The following TBC1D5 variants were observed in gnomAD, a reference collection of about 807,000 sequenced individuals.
TBC1D5 encodes the protein TBC1 domain family, member 5.
In TBC1D5, 75 loss-of-function variants were observed where a neutral mutation model predicts 100.3. That is an observed-to-expected ratio of 0.75 (90% confidence interval 0.62 to 0.91). The LOEUF is 0.91. Ranked by LOEUF, TBC1D5 falls within the 40% of genes least tolerant of loss-of-function variation. The pLI, the probability that TBC1D5 is intolerant of heterozygous loss-of-function variation, is 0.00. For missense variants in TBC1D5, 910 were observed against 942.4 expected, an observed-to-expected ratio of 0.97 and a Z score of 0.45; for synonymous variants, 323 against 325.6, an observed-to-expected ratio of 0.99 and a Z score of 0.09.
intron 2 of TBC1D5, among the ~76,000 whole-genome samples, chr3:17,607,571 C>T (rs1322675371): frequency 6.6e-6 from 1 of 151,138 alleles, no homozygotes; most frequent in East Asian, 1.9e-4. Flanking sequence ...AGCTTCAGTA[C>T]AGTTGCAAAT....
intron 4 of TBC1D5, among the ~76,000 whole-genome samples, chr3:17,426,862 A>G (rs2094347148): frequency 1.3e-5 from 2 of 151,952 alleles, no homozygotes; most frequent in African/African-American, 4.8e-5. Flanking sequence ...ATATAATGGG[A>G]TTTTCCTTCC....
chr3:17,470,687 C>T (rs749004318), intron 3 of TBC1D5, among the ~76,000 whole-genome samples: 40 of 151,820 alleles, frequency 2.6e-4, no homozygotes, highest in Non-Finnish European at 5.3e-4. Flanking sequence ...TTTGGGAGGC[C>T]GGGGTGGGTG....
chr3:17,673,624 T>C (rs1178764911), intron 1 of TBC1D5, among the ~76,000 whole-genome samples: 1 of 152,080 alleles, frequency 6.6e-6, no homozygotes, highest in Non-Finnish European at 1.5e-5. Context: ...CTATACTTTC[T>C]AAAATTTTTA....
At chr3:17,195,249 A>C (rs1381725303) in intron 18 of TBC1D5, among the ~76,000 whole-genome samples, 1 of 152,202 alleles carries the variant, frequency 6.6e-6, no homozygotes, top group African/African-American at 2.4e-5. Context: ...TTTTATAATT[A>C]GGCAACCTGA....
intron 2 of TBC1D5, among the ~76,000 whole-genome samples, chr3:17,533,371 G>A (rs2096252143): frequency 6.6e-6 from 1 of 152,100 alleles, no homozygotes; most frequent in African/African-American, 2.4e-5. Context: ...TTGAGGAACT[G>A]CCAACTACTG....
chr3:17,597,604 C>T (rs867495831), intron 2 of TBC1D5, among the ~76,000 whole-genome samples: 1 of 152,152 alleles, frequency 6.6e-6, no homozygotes, highest in South Asian at 2.1e-4. Context: ...GCCAAATATC[C>T]CCAAAGTAAT....
intron 1 of TBC1D5, among the ~76,000 whole-genome samples, chr3:17,676,246 A>G (rs1011481795): frequency 5.3e-5 from 8 of 152,180 alleles, no homozygotes; most frequent in Admixed American, 3.9e-4. Flanking sequence ...TCTATTATCT[A>G]CCTCATTTCT....
intron 15 of TBC1D5, among the ~76,000 whole-genome samples, chr3:17,278,875 T>G (rs1372918303): frequency 6.6e-6 from 1 of 152,266 alleles, no homozygotes. Flanking sequence ...TCTCTTAATC[T>G]GGAAGATTAT....
intron 3 of TBC1D5, among the ~76,000 whole-genome samples, chr3:17,463,371 T>C (rs1430163842): frequency 6.6e-6 from 1 of 152,154 alleles, no homozygotes; most frequent in Non-Finnish European, 1.5e-5. Context: ...CAGTCGATCA[T>C]CTCAAGCTCC....
intron 1 of TBC1D5, among the ~76,000 whole-genome samples, chr3:17,662,574 T>C (rs2066769956): frequency 6.6e-6 from 1 of 152,220 alleles, no homozygotes; most frequent in African/African-American, 2.4e-5. Context: ...TGAATTCCAC[T>C]TGAAAATGTC....
rs746616105 is a variant in TBC1D5, at chr3:17,167,736, G to A, written c.1932+13C>T. On this transcript the variant is annotated intron_variant, in intron 20 of 21. Transcript: ENST00000253692. ...CGGGACACAAAGAAATAGTGTCAGA[G>A]CAATGCACATACCTGTTTTAATCCT... The A allele has an allele frequency of 5.5e-5, 88 of 1,613,120 alleles. No individual in the cohort carries two copies. Among genetic ancestry groups the A allele is most frequent in the Non-Finnish European group, 7.1e-5 (84 of 1,179,210 alleles).
chr3:17,348,172 T>C (rs573673666), intron 13 of TBC1D5, among the ~76,000 whole-genome samples: 7 of 152,310 alleles, frequency 4.6e-5, no homozygotes, highest in African/African-American at 1.7e-4. Context: ...GACAAATAAT[T>C]TCTCCTATAA....
chr3:17,421,967 G>T (rs932544462), intron 4 of TBC1D5, among the ~76,000 whole-genome samples: 2 of 152,074 alleles, frequency 1.3e-5, no homozygotes, highest in Non-Finnish European at 2.9e-5. Flanking sequence ...CTAATTCTAG[G>T]CCTTCCTCCC....
intron 2 of TBC1D5, among the ~76,000 whole-genome samples, chr3:17,554,314 A>T (rs2096497184): frequency 6.6e-6 from 1 of 152,196 alleles, no homozygotes; most frequent in Admixed American, 6.5e-5. Context: ...CTTTCAAATA[A>T]ATTATAACGC....
intron 2 of TBC1D5, among the ~76,000 whole-genome samples, chr3:17,603,561 T>C (rs2061138320): frequency 6.6e-6 from 1 of 152,138 alleles, no homozygotes; most frequent in Non-Finnish European, 1.5e-5. Flanking sequence ...GGAAAACTCA[T>C]GAATAGCCCA....
chr3:17,558,553 G>T (rs539089973), intron 2 of TBC1D5, among the ~76,000 whole-genome samples: 1 of 152,026 alleles, frequency 6.6e-6, no homozygotes. Context: ...TTATATATGG[G>T]AATATTTTTC....
chr3:17,439,193 G>A (rs1303684118), intron 3 of TBC1D5, among the ~76,000 whole-genome samples: 1 of 152,110 alleles, frequency 6.6e-6, no homozygotes, highest in African/African-American at 2.4e-5. Flanking sequence ...TTCATAAAAT[G>A]TAAAGGCATC....
Position 17,307,991 on chromosome 3 carries a change from C to G in TBC1D5, c.1138+1G>C, listed in dbSNP as rs146264287. 1.2e-4 allele frequency: 196 copies of G among 1,600,498 alleles called. No homozygotes were observed. Among genetic ancestry groups the G allele is most frequent in the Non-Finnish European group, 1.6e-4 (186 of 1,176,202 alleles). ...ATGTAGGAAAGGTCATTAATACTTA[C>G]AAGCATCTCGGATGTAAAGTAACAT... is the stretch of plus-strand genomic sequence containing the variant. On this transcript the variant is annotated splice_donor_variant, in intron 14 of 21. Transcript: ENST00000253692. LOFTEE classifies it high-confidence loss of function.
intron 16 of TBC1D5, among the ~76,000 whole-genome samples, chr3:17,238,875 C>A (rs189339426): frequency 2.0e-5 from 3 of 152,280 alleles, no homozygotes; most frequent in African/African-American, 4.8e-5. Flanking sequence ...GAATAGATTT[C>A]TTACCAGCCC....
Sources: allele counts gnomAD v4.1 joint callset (sites outside exome capture counted in the v4.1 genomes callset), GRCh38; gene constraint gnomAD v4.1.1; transcripts MANE v1.5; gene names NCBI Gene and HGNC (gene_info 2026-07-23, HGNC 2026-07-21).